DENND1A: variants seen among roughly 807,000 people sequenced by gnomAD.
The protein encoded by DENND1A is DENN domain-containing protein 1A.
Under a neutral mutation model 113.7 loss-of-function variants are expected in DENND1A, and 51 were observed. The ratio of observed to expected loss-of-function variants is 0.45; its 90% CI spans 0.36 to 0.57. DENND1A has a LOEUF of 0.57. DENND1A is among the 20% of genes least tolerant of loss of function. DENND1A has a pLI of 0.00. For synonymous variants in DENND1A, 565 were observed against 570.8 expected, an observed-to-expected ratio of 0.99 and a Z score of 0.14; for missense variants, 1,258 against 1,395.9, an observed-to-expected ratio of 0.90 and a Z score of 1.57.
At chr9:123,885,333 T>C (rs887611649) in intron 1 of DENND1A, among the ~76,000 whole-genome samples, 2 of 152,170 alleles carry the variant, frequency 1.3e-5, no homozygotes, top group Admixed American at 1.3e-4. Flanking sequence ...AATACATTCT[T>C]CCCCACTAGA....
intron 2 of DENND1A, among the ~76,000 whole-genome samples, chr9:123,827,941 C>T (rs1306945172): frequency 7.2e-5 from 11 of 152,078 alleles, no homozygotes; most frequent in African/African-American, 2.4e-4. Flanking sequence ...TTACCCTAGA[C>T]CTTAAAATAT....
At chr9:123,920,618 G>A (rs1043463600) in intron 1 of DENND1A, among the ~76,000 whole-genome samples, 5 of 152,126 alleles carry the variant, frequency 3.3e-5, no homozygotes, top group African/African-American at 1.2e-4. Flanking sequence ...AGAGTACAGT[G>A]GTGCAATCTC....
chr9:123,740,026 AG>A (rs1489329386), intron 5 of DENND1A, among the ~76,000 whole-genome samples: 1 of 152,202 alleles, frequency 6.6e-6, no homozygotes, highest in Non-Finnish European at 1.5e-5. Context: ...TGGATGTATC[AG>A]CTTACATTGG....
At chr9:123,634,213 T>C (rs531636140) in intron 9 of DENND1A, among the ~76,000 whole-genome samples, 4 of 152,312 alleles carry the variant, frequency 2.6e-5, no homozygotes, top group African/African-American at 9.6e-5. Context: ...AAATTACTTA[T>C]CCTTCACAAA....
At chr9:123,546,330 C>G (rs377568340) in intron 13 of DENND1A, among the ~76,000 whole-genome samples, 1 of 152,050 alleles carries the variant, frequency 6.6e-6, no homozygotes, top group African/African-American at 2.4e-5. Flanking sequence ...GGGCAGATCA[C>G]CAGGTCAGGA....
At chr9:123,618,789 G>A (rs908310423) in intron 10 of DENND1A, among the ~76,000 whole-genome samples, 2 of 152,198 alleles carry the variant, frequency 1.3e-5, no homozygotes, top group African/African-American at 4.8e-5. Context: ...GCCAGTGAGA[G>A]CTGTCCCGCT....
intron 12 of DENND1A, among the ~76,000 whole-genome samples, chr9:123,577,875 G>A (rs1232643698): frequency 6.6e-6 from 1 of 152,080 alleles, no homozygotes; most frequent in Non-Finnish European, 1.5e-5. Flanking sequence ...GGGCTAAAAT[G>A]ATCTTTATAG....
chr9:123,452,327 C>T lies in DENND1A; in HGVS notation c.1248G>A (p.Leu416=). Residue 416 remains leucine (L), a synonymous_variant, in exon 17 of 24, where the codon CTG becomes CTA. Coordinates refer to ENST00000394215, the MANE Select transcript of DENND1A (RefSeq NM_001352964.2). ...STVRKGSGAI[L]NTVKTKANPA... ...GATTTGCTTTGGTCTTTACAGTATTCAGAATTGCTCCACTTCCTTTCTATA... is the reference window on the plus strand; with the variant it reads ...GATTTGCTTTGGTCTTTACAGTATTTAGAATTGCTCCACTTCCTTTCTATA... The T allele has an allele frequency of 6.2e-7, 1 of 1,614,236 alleles. No individual in the cohort carries two copies.
At chr9:123,779,593 G>A (rs972224548) in intron 3 of DENND1A, among the ~76,000 whole-genome samples, 1 of 152,060 alleles carries the variant, frequency 6.6e-6, no homozygotes, top group Non-Finnish European at 1.5e-5. Flanking sequence ...TCTGCCTCCT[G>A]GGCTCAAGCA....
intron 11 of DENND1A, among the ~76,000 whole-genome samples, chr9:123,604,150 C>T (rs947206891): frequency 2.0e-5 from 3 of 152,234 alleles, no homozygotes; most frequent in African/African-American, 7.2e-5. Context: ...CTTACCTCAG[C>T]TCATGCTCCT....
At chr9:123,746,818 A>G (rs1411445531) in intron 5 of DENND1A, among the ~76,000 whole-genome samples, 3 of 152,218 alleles carry the variant, frequency 2.0e-5, no homozygotes, top group African/African-American at 7.2e-5. Context: ...TGGTCACGGG[A>G]CAACAGTTAT....
chr9:123,552,039 C>CAGAGAGAGAGAGGGAGAGAGAG (rs2057108282), intron 13 of DENND1A, among the ~76,000 whole-genome samples: 1 of 128,336 alleles, frequency 7.8e-6, no homozygotes, highest in African/African-American at 3.1e-5. Context: ...GAGAGAGAGA[C>CAGAGAGAGAGAGGGAGAGAGAG]AGAGAGAGAG....
At chr9:123,663,219 T>C (rs377563239) in intron 8 of DENND1A, among the ~76,000 whole-genome samples, 2 of 152,198 alleles carry the variant, frequency 1.3e-5, no homozygotes, top group East Asian at 3.8e-4. Context: ...AAAAATGAGT[T>C]GCTAAACAAG....
chr9:123,567,575 A>C (rs1315438570), intron 12 of DENND1A, among the ~76,000 whole-genome samples: 1 of 152,242 alleles, frequency 6.6e-6, no homozygotes, highest in Non-Finnish European at 1.5e-5. Flanking sequence ...AAAGTTAATC[A>C]TAATTAAAAA....
intron 19 of DENND1A, chr9:123,413,810 TG>T: frequency 1.0e-6 from 1 of 985,210 alleles, no homozygotes; most frequent in Non-Finnish European, 1.2e-6. Context: ...AGGAAGTGTG[TG>T]GGGGAAAGGG....
At chr9:123,383,618 G>C (rs763833737) in intron 23 of DENND1A, 37 bp downstream of exon 23, 1 of 1,593,698 alleles carries the variant, frequency 6.3e-7, no homozygotes, top group Non-Finnish European at 8.6e-7. Context: ...GGACAGTGCC[G>C]GCCCCCGGCC....
intron 19 of DENND1A, among the ~76,000 whole-genome samples, chr9:123,425,206 T>C (rs569795752): frequency 1.3e-5 from 2 of 152,368 alleles, no homozygotes; most frequent in African/African-American, 4.8e-5. Context: ...AGAATTCTAA[T>C]CTGAGAAAAT....
At chr9:123,599,772 G>A (rs545365487) in intron 11 of DENND1A, among the ~76,000 whole-genome samples, 56 of 152,288 alleles carry the variant, frequency 3.7e-4, no homozygotes, top group African/African-American at 1.1e-3. Context: ...AGAAAATGCC[G>A]GATTTCGGCT....
At chr9:123,552,749 C>T (rs905785546) in intron 13 of DENND1A, among the ~76,000 whole-genome samples, 9 of 152,260 alleles carry the variant, frequency 5.9e-5, no homozygotes, top group African/African-American at 1.9e-4. Context: ...GCACCCGCCT[C>T]AGGGGCCATT....
Sources: gnomAD v4.1 joint callset for allele counts (sites outside exome capture counted in the v4.1 genomes callset) on GRCh38, gnomAD v4.1.1 for gene constraint, MANE v1.5 for transcripts, NCBI Gene and HGNC (gene_info 2026-07-23, HGNC 2026-07-21) for gene names.